GRIA2: variants seen among roughly 807,000 people sequenced by gnomAD.
GRIA2 encodes the protein glutamate receptor 2.
A neutral mutation model predicts 97.3 loss-of-function variants in GRIA2; 14 were observed. That is an observed-to-expected ratio of 0.14 (90% CI 0.10 to 0.23). The LOEUF (loss-of-function observed/expected upper bound fraction) is 0.23. GRIA2 is among the 10% of genes least tolerant of loss of function. GRIA2 has a pLI of 1.00. For missense variants in GRIA2, 558 were observed against 1,069.8 expected (o/e 0.52, Z 6.67); for synonymous variants, 412 against 387.8 (o/e 1.06, Z -0.73).
intron 4 of GRIA2, among the ~76,000 whole-genome samples, chr4:157,315,595 T>G (rs1734280373): frequency 6.6e-6 from 1 of 152,116 alleles, no homozygotes; most frequent in Non-Finnish European, 1.5e-5. Context: ...CAGGCTGGAC[T>G]GCAGTGGCGC....
At chr4:157,293,456 G>A (rs1733196216) in intron 2 of GRIA2, among the ~76,000 whole-genome samples, 1 of 152,094 alleles carries the variant, frequency 6.6e-6, no homozygotes, top group African/African-American at 2.4e-5. Context: ...GTTCTGTGGT[G>A]TCCTTAATCA....
chr4:157,222,871 TC>T, intron 2 of GRIA2, among the ~76,000 whole-genome samples: 1 of 152,242 alleles, frequency 6.6e-6, no homozygotes, highest in Admixed American at 6.5e-5. Flanking sequence ...CCGCGCTCGC[TC>T]CCCCGCGCAG....
At chr4:157,337,655 C>G (rs1560772874) in intron 11 of GRIA2, among the ~76,000 whole-genome samples, 1 of 151,788 alleles carries the variant, frequency 6.6e-6, no homozygotes, top group Non-Finnish European at 1.5e-5. Flanking sequence ...TTTCATGATA[C>G]AATTTTATTA....
chr4:157,290,650 G>T (rs900361075), intron 2 of GRIA2, among the ~76,000 whole-genome samples: 1 of 151,740 alleles, frequency 6.6e-6, no homozygotes, highest in African/African-American at 2.4e-5. Flanking sequence ...ATTGATAAAA[G>T]ATCCATTGTC....
chr4:157,258,124 G>T (rs1731360813), intron 2 of GRIA2, among the ~76,000 whole-genome samples: 1 of 151,972 alleles, frequency 6.6e-6, no homozygotes, highest in Non-Finnish European at 1.5e-5. Context: ...TACACAAATT[G>T]TTTAAACAGT....
At chr4:157,252,086 A>C (rs1561011263) in intron 2 of GRIA2, among the ~76,000 whole-genome samples, 1 of 152,156 alleles carries the variant, frequency 6.6e-6, no homozygotes, top group Non-Finnish European at 1.5e-5. Flanking sequence ...CCCTCAAAAC[A>C]AAACAAAACA....
At chr4:157,351,167 T>A (rs990212914) in intron 12 of GRIA2, among the ~76,000 whole-genome samples, 1 of 152,120 alleles carries the variant, frequency 6.6e-6, no homozygotes, top group Non-Finnish European at 1.5e-5. Context: ...TCTTTAAATA[T>A]GATTGATATT....
Position 157,246,957 on chromosome 4 carries a change from C to T in GRIA2, c.229+25150C>T, listed in dbSNP as rs1730759387. Among the ~76,000 whole-genome samples, 4 of 152,210 alleles carry T rather than the reference C, an allele frequency of 2.6e-5. No homozygotes were observed. In the South Asian group the frequency reaches 8.3e-4, roughly 32 times the overall value. ...TAGTGGTAAAAAATGAAGGCTATTT[C>T]CTTTTGCAGTGATATTTCATATGCT... is the stretch of plus-strand genomic sequence containing the variant. On this transcript the variant is annotated intron_variant, in intron 2 of 15. Transcript: ENST00000264426.
intron 3 of GRIA2, 69 bp from the exon 4 acceptor site, chr4:157,312,610 C>A: frequency 1.2e-6 from 1 of 827,622 alleles, no homozygotes; most frequent in Non-Finnish European, 1.8e-6. Flanking sequence ...TATTCACTGG[C>A]AATTTCATAA....
intron 4 of GRIA2, among the ~76,000 whole-genome samples, chr4:157,313,743 A>T (rs530817971): frequency 6.6e-6 from 1 of 151,760 alleles, no homozygotes; most frequent in Non-Finnish European, 1.5e-5. Context: ...GTATGAGTGT[A>T]TATGTGTGTG....
intron 2 of GRIA2, among the ~76,000 whole-genome samples, chr4:157,227,565 C>A (rs1393203126): frequency 6.6e-6 from 1 of 152,090 alleles, no homozygotes; most frequent in African/African-American, 2.4e-5. Flanking sequence ...GAGAACTGTC[C>A]TTTAAACATT....
intron 6 of GRIA2, among the ~76,000 whole-genome samples, chr4:157,324,320 A>G (rs532582810): frequency 1.3e-5 from 2 of 152,346 alleles, no homozygotes; most frequent in East Asian, 1.9e-4. Context: ...AAAGAAATGC[A>G]TTGCTTATGT....
chr4:157,240,021 C>T (rs751597252), intron 2 of GRIA2, among the ~76,000 whole-genome samples: 1 of 152,064 alleles, frequency 6.6e-6, no homozygotes, highest in Non-Finnish European at 1.5e-5. Flanking sequence ...TGAGATAGCA[C>T]TGTCCTTTTG....
rs755931226 is a variant in GRIA2, at chr4:157,335,764, G to T, written c.1360G>T (p.Ala454Ser). 6 of 1,612,374 alleles carry T rather than the reference G, an allele frequency of 3.7e-6. No homozygotes were observed. In the African/African-American group the frequency reaches 8.0e-5, roughly 22 times the overall value. ...GYCVDLAAEI[A>S]KHCGFKYKLT... ...CTGTGTTGACCTGGCTGCAGAAATC[G>T]CCAAACATTGTGGGTTCAAGTACAA... is the stretch of plus-strand genomic sequence containing the variant. The change falls in exon 10 of 16, where the codon GCC (alanine) becomes TCC (serine). Residue 454 changes from alanine to serine, a missense_variant. Transcript: ENST00000264426.
At chr4:157,254,902 T>C (rs1195481534) in intron 2 of GRIA2, among the ~76,000 whole-genome samples, 1 of 152,082 alleles carries the variant, frequency 6.6e-6, no homozygotes, top group African/African-American at 2.4e-5. Context: ...CATATTTCTG[T>C]AGTTATGAAA....
At chr4:157,323,366 A>C (rs1734668593) in intron 6 of GRIA2, among the ~76,000 whole-genome samples, 1 of 135,744 alleles carries the variant, frequency 7.4e-6, no homozygotes, top group Non-Finnish European at 1.6e-5. Flanking sequence ...AAAAAAAAAA[A>C]GACATACTGT....
At chr4:157,352,149 A>G (rs1300583446) in intron 12 of GRIA2, among the ~76,000 whole-genome samples, 1 of 152,168 alleles carries the variant, frequency 6.6e-6, no homozygotes, top group Non-Finnish European at 1.5e-5. Flanking sequence ...TAAGTTTTAT[A>G]ATATTGTTAA....
chr4:157,285,580 TG>T (rs1732801947), intron 2 of GRIA2, among the ~76,000 whole-genome samples: 3 of 151,140 alleles, frequency 2.0e-5, no homozygotes, highest in Admixed American at 6.6e-5. Context: ...TGTGTGTGTG[TG>T]TGTAAGGCTT....
intron 12 of GRIA2, among the ~76,000 whole-genome samples, chr4:157,353,023 A>C (rs1579386310): frequency 6.6e-6 from 1 of 151,900 alleles, no homozygotes; most frequent in Non-Finnish European, 1.5e-5. Context: ...GTGCCACTGC[A>C]CTTCAGCCTG....
Sources: gnomAD v4.1 joint callset for allele counts (sites outside exome capture counted in the v4.1 genomes callset) on GRCh38, gnomAD v4.1.1 for gene constraint, MANE v1.5 for transcripts, NCBI Gene and HGNC (gene_info 2026-07-23, HGNC 2026-07-21) for gene names.